SPIRE1: variants seen among roughly 807,000 people sequenced by gnomAD.
SPIRE1 encodes the protein spire type actin nucleation factor 1, also known as protein spire homolog 1.
In SPIRE1, 40 loss-of-function variants were observed where a neutral mutation model predicts 94.1. The observed-to-expected ratio is 0.43, with a 90% confidence interval of 0.33 to 0.55. SPIRE1 has a LOEUF of 0.55. Among genes scored for constraint, SPIRE1 ranks in the 20% least tolerant of loss-of-function variants. The pLI, the probability that SPIRE1 is intolerant of heterozygous loss-of-function variation, is 0.06. For synonymous variants in SPIRE1, 376 were observed against 371.7 expected (o/e 1.01, Z -0.13); for missense variants, 838 against 975.2 (o/e 0.86, Z 1.87).
chr18:12,509,821 A>G (rs1465498057), intron 5 of SPIRE1, among the ~76,000 whole-genome samples: 1 of 152,140 alleles, frequency 6.6e-6, no homozygotes, highest in Non-Finnish European at 1.5e-5. Context: ...GGAGGCTCAT[A>G]CCTGTAATCC....
At chr18:12,639,067 G>A (rs1415229926) in intron 1 of SPIRE1, among the ~76,000 whole-genome samples, 1 of 152,122 alleles carries the variant, frequency 6.6e-6, no homozygotes, top group Non-Finnish European at 1.5e-5. Context: ...CAGGGGTACT[G>A]TCCAGGCTAA....
At chr18:12,457,628 C>T (rs999109133) in intron 12 of SPIRE1, among the ~76,000 whole-genome samples, 2 of 151,998 alleles carry the variant, frequency 1.3e-5, no homozygotes, top group Admixed American at 6.5e-5. Flanking sequence ...AATCTTAGAG[C>T]GCTTTAATGA....
intron 3 of SPIRE1, among the ~76,000 whole-genome samples, chr18:12,543,976 T>C (rs1419418231): frequency 6.6e-6 from 1 of 152,204 alleles, no homozygotes; most frequent in Non-Finnish European, 1.5e-5. Flanking sequence ...TTCCGTTTAC[T>C]TGTAAAATGT....
At chr18:12,589,462 T>C (rs974996786) in intron 2 of SPIRE1, among the ~76,000 whole-genome samples, 1 of 152,162 alleles carries the variant, frequency 6.6e-6, no homozygotes, top group Non-Finnish European at 1.5e-5. Context: ...GCATACTCTT[T>C]CTATGACCTT....
At chr18:12,478,609 G>T (rs1301647548) in intron 10 of SPIRE1, among the ~76,000 whole-genome samples, 6 of 151,694 alleles carry the variant, frequency 4.0e-5, no homozygotes, top group Non-Finnish European at 7.4e-5. Flanking sequence ...TGTAGCTAGG[G>T]TGTGTGTGTG....
At chr18:12,656,664 G>T (rs1256609414) in intron 1 of SPIRE1, 1 of 969,236 alleles carries the variant, frequency 1.0e-6, no homozygotes, top group Non-Finnish European at 1.2e-6. Flanking sequence ...TCAAAAGAAT[G>T]AATTAGATAA....
intron 2 of SPIRE1, among the ~76,000 whole-genome samples, chr18:12,584,873 G>A (rs1409553541): frequency 2.0e-5 from 3 of 152,134 alleles, no homozygotes; most frequent in Admixed American, 2.0e-4. Context: ...TCCGCCTCCT[G>A]GGTTCAAGCG....
In SPIRE1 at chr18:12,608,896, G is replaced by C. The variant is rs114576586; in HGVS notation, c.372+26166C>G. On this transcript the variant is annotated intron_variant, in intron 2 of 16. Transcript: ENST00000409402. The stretch of plus-strand genomic sequence containing the variant: ...GAAGCAAAACTGAGGATTACTAGTA[G>C]AACTCCAAAGCAGCAGTCCCCAATC... 7.1e-3 allele frequency among the ~76,000 whole-genome samples: 1,074 copies of C among 152,278 alleles called. 16 individuals are homozygous for C. The highest frequency in any genetic ancestry group is 0.025 in the African/African-American group (1,020 of 41,554).
intron 2 of SPIRE1, among the ~76,000 whole-genome samples, chr18:12,551,468 G>A (rs573672017): frequency 3.7e-4 from 57 of 152,264 alleles, no homozygotes; most frequent in African/African-American, 7.7e-4. Context: ...TTGGGAGGCC[G>A]AGGCGGGCAG....
chr18:12,526,291 T>A (rs1226343733), intron 4 of SPIRE1, among the ~76,000 whole-genome samples: 1 of 152,180 alleles, frequency 6.6e-6, no homozygotes, highest in Non-Finnish European at 1.5e-5. Flanking sequence ...CTGGCCTTCA[T>A]GTGTGCTGTT....
chr18:12,497,016 C>T (rs925518994), intron 6 of SPIRE1, among the ~76,000 whole-genome samples: 1 of 151,918 alleles, frequency 6.6e-6, no homozygotes, highest in Non-Finnish European at 1.5e-5. Context: ...TGCAGTGAGC[C>T]GAGATCACGC....
chr18:12,534,272 CT>C (rs2034775919), intron 4 of SPIRE1, among the ~76,000 whole-genome samples: 1 of 152,108 alleles, frequency 6.6e-6, no homozygotes, highest in African/African-American at 2.4e-5. Context: ...TTAGTTTTTC[CT>C]TTTTTGCTTA....
chr18:12,610,647 G>C (rs963422206), intron 2 of SPIRE1, among the ~76,000 whole-genome samples: 1 of 152,114 alleles, frequency 6.6e-6, no homozygotes. Context: ...TATACTGACT[G>C]ATCTTGCCTT....
At chr18:12,453,884 A>C (rs1272935288) in intron 13 of SPIRE1, among the ~76,000 whole-genome samples, 2 of 152,016 alleles carry the variant, frequency 1.3e-5, no homozygotes, top group East Asian at 1.9e-4. Flanking sequence ...TCCTGGGTTC[A>C]AGCGATTCTC....
intron 10 of SPIRE1, among the ~76,000 whole-genome samples, chr18:12,469,391 T>C (rs2032249751): frequency 6.6e-6 from 1 of 151,000 alleles, no homozygotes; most frequent in Non-Finnish European, 1.5e-5. Flanking sequence ...ATTTTTAGTT[T>C]TGCCATGTTG....
At chr18:12,537,213 G>T (rs947355909) in intron 3 of SPIRE1, among the ~76,000 whole-genome samples, 1 of 152,192 alleles carries the variant, frequency 6.6e-6, no homozygotes, top group Non-Finnish European at 1.5e-5. Flanking sequence ...AGTAAACAGA[G>T]AGTATATTTT....
At chr18:12,562,818 T>C (rs2035725797) in intron 2 of SPIRE1, among the ~76,000 whole-genome samples, 1 of 152,046 alleles carries the variant, frequency 6.6e-6, no homozygotes, top group Non-Finnish European at 1.5e-5. Context: ...CCTATAGTAA[T>C]GTCTTTAAAT....
At chr18:12,539,589 A>ACG (rs1567919055) in intron 3 of SPIRE1, among the ~76,000 whole-genome samples, 3 of 125,896 alleles carry the variant, frequency 2.4e-5, no homozygotes, top group South Asian at 2.7e-4. Flanking sequence ...ACACACACGC[A>ACG]CACACACACA....
rs564517778 is a variant in SPIRE1 at position 12,481,341 on chromosome 18, C to T, written c.1232-1470G>A. ...ATTCCCCCCTAGCAAGTAATATTTACACACCTTAAGTACGAGAGGTAGAGC... is the reference window on the plus strand; with the variant it reads ...ATTCCCCCCTAGCAAGTAATATTTATACACCTTAAGTACGAGAGGTAGAGC... On this transcript the variant is annotated intron_variant, in intron 9 of 16. Transcript: ENST00000409402. Among the ~76,000 whole-genome samples the T allele has an allele frequency of 2.1e-5, 3 of 143,102 alleles. No homozygotes were observed. In the East Asian group the frequency reaches 6.4e-4, roughly 31 times the overall value. The allele number at this position is 143,102 out of a possible 152,430, so 93.9% of individuals were successfully genotyped here.
Sources: allele counts gnomAD v4.1 joint callset (sites outside exome capture counted in the v4.1 genomes callset), GRCh38; gene constraint gnomAD v4.1.1; transcripts MANE v1.5; gene names NCBI Gene and HGNC (gene_info 2026-07-23, HGNC 2026-07-21).